Variants in PHLDB2 observed in about 807,000 individuals in gnomAD.
The protein encoded by PHLDB2 is pleckstrin homology-like domain family B member 2.
PHLDB2 carries 71 observed loss-of-function variants against 123.6 expected under a neutral mutation model. The ratio of observed to expected loss-of-function variants is 0.57; its 90% CI spans 0.47 to 0.70. PHLDB2 has a LOEUF of 0.70. Among genes scored for constraint, PHLDB2 ranks in the 30% least tolerant of loss-of-function variants. The pLI, the probability that PHLDB2 is intolerant of heterozygous loss-of-function variation, is 0.00. For synonymous variants in PHLDB2, 547 were observed against 541.6 expected (o/e 1.01, Z -0.14); for missense variants, 1,446 against 1,519.5 (o/e 0.95, Z 0.80).
chr3:111,938,670 A>G (rs62277601), intron 6 of PHLDB2, among the ~76,000 whole-genome samples: 46,049 of 152,034 alleles, frequency 0.3, 7,476 homozygotes, highest in Middle Eastern at 0.41. Context: ...CATCTGGGAT[A>G]CATGTATCCC....
chr3:111,926,472 C>T (rs2068818576), intron 5 of PHLDB2, among the ~76,000 whole-genome samples: 1 of 152,142 alleles, frequency 6.6e-6, no homozygotes, highest in Non-Finnish European at 1.5e-5. Flanking sequence ...GCTCCCTGGT[C>T]AGAGGAAGTG....
chr3:111,921,312 ACATGTTCT>A (rs1390589099), intron 5 of PHLDB2, among the ~76,000 whole-genome samples: 1 of 152,208 alleles, frequency 6.6e-6, no homozygotes, highest in African/African-American at 2.4e-5. Context: ...TCCTTACTCA[ACATGTTCT>A]CCACTAAGCT....
At chr3:111,971,706 G>T (rs575480198) in intron 16 of PHLDB2, among the ~76,000 whole-genome samples, 1 of 152,026 alleles carries the variant, frequency 6.6e-6, no homozygotes, top group South Asian at 2.1e-4. Context: ...CATCCAGATC[G>T]CAATTTACGC....
At chr3:111,822,247 A>G in intron 1 of PHLDB2, among the ~76,000 whole-genome samples, 1 of 140,922 alleles carries the variant, frequency 7.1e-6, no homozygotes, top group East Asian at 2.2e-4. Context: ...CATACTTTGC[A>G]TCAGAAAAAA....
intron 1 of PHLDB2, among the ~76,000 whole-genome samples, chr3:111,756,307 C>A (rs13091342): frequency 0.5 from 75,290 of 151,076 alleles, 19,322 homozygotes; most frequent in African/African-American, 0.62. Context: ...TTGTAGGTCA[C>A]TCAGGACTTG....
intron 1 of PHLDB2, among the ~76,000 whole-genome samples, chr3:111,794,465 A>T (rs996845329): frequency 4.6e-5 from 7 of 152,004 alleles, no homozygotes; most frequent in Non-Finnish European, 1.0e-4. Flanking sequence ...TACTGTGATC[A>T]CTCACCTGAT....
chr3:111,930,975 G>A (rs2069114317), intron 5 of PHLDB2, among the ~76,000 whole-genome samples: 1 of 152,200 alleles, frequency 6.6e-6, no homozygotes, highest in African/African-American at 2.4e-5. Flanking sequence ...TTGATATCAT[G>A]TAGTTTTAGA....
chr3:111,769,905 G>A (rs1174748279), intron 1 of PHLDB2, among the ~76,000 whole-genome samples: 1 of 152,208 alleles, frequency 6.6e-6, no homozygotes, highest in Non-Finnish European at 1.5e-5. Context: ...TCTGTGTAGT[G>A]ATTTCCATAA....
intron 10 of PHLDB2, chr3:111,949,972 C>A: frequency 1.1e-6 from 1 of 922,472 alleles, no homozygotes; most frequent in Non-Finnish European, 1.3e-6. Context: ...CTTCTACTTT[C>A]CCAAAGGCAT....
chr3:111,952,422 C>G, intron 10 of PHLDB2, 150 bp from the exon 11 acceptor site: 1 of 752,268 alleles, frequency 1.3e-6, no homozygotes, highest in South Asian at 2.1e-5. Flanking sequence ...TAGCTCAAAT[C>G]TATCAGTGAA....
chr3:111,834,220 ATATATATAT>A (rs1449396719), intron 1 of PHLDB2, among the ~76,000 whole-genome samples: 2 of 22,914 alleles, frequency 8.7e-5, no homozygotes, highest in Admixed American at 5.4e-4. Context: ...TAATAGAATT[ATATATATAT>A]TATGTATATA....
chr3:111,827,872 T>C (rs1218051329), intron 1 of PHLDB2, among the ~76,000 whole-genome samples: 1 of 152,058 alleles, frequency 6.6e-6, no homozygotes, highest in Non-Finnish European at 1.5e-5. Context: ...AAGGGCTCAG[T>C]ACATATTTCC....
At position 111,845,985 on chromosome 3, in the gene PHLDB2, C is replaced by T. The variant is rs758803127; in HGVS notation, c.67+50C>T. 1.9e-6 allele frequency: 3 copies of T among 1,556,708 alleles called. No homozygotes were observed. The South Asian group carries it at 3.4e-5, about 18-fold the overall frequency. ...TTCAGTACATATTTACAAGTTCTTA[C>T]TCCATCATACATATTGGGAATGAGC... On this transcript the variant is annotated intron_variant, in intron 2 of 17. Transcript: ENST00000393923.
At chr3:111,817,174 G>A (rs959947031) in intron 1 of PHLDB2, among the ~76,000 whole-genome samples, 10 of 152,100 alleles carry the variant, frequency 6.6e-5, no homozygotes, top group African/African-American at 1.2e-4. Context: ...TAATACAAGC[G>A]ATTACCAGAA....
intron 2 of PHLDB2, among the ~76,000 whole-genome samples, chr3:111,903,881 A>C (rs571811788): frequency 2.0e-5 from 3 of 152,232 alleles, no homozygotes; most frequent in Admixed American, 2.0e-4. Flanking sequence ...GAAAGGTTGA[A>C]CTTGATTAAA....
Position 111,929,910 on chromosome 3 carries a change from A to ATT in PHLDB2, c.2002-2341_2002-2340dup, listed in dbSNP as rs34482002. On this transcript the variant is annotated intron_variant, in intron 5 of 17. Transcript: ENST00000431670. ...AAGTAAGGCACTATTTAAATATAAG[A>ATT]TTTTTTTTTTTTTTTTTTTGAGGCA... 1.1e-4 allele frequency among the ~76,000 whole-genome samples: 13 copies of ATT among 123,064 alleles called. 1 individual carries two copies. Among genetic ancestry groups the ATT allele is most frequent in the African/African-American group, 3.4e-4 (12 of 34,838 alleles). The allele number at this position is 123,064 out of a possible 152,430, so 80.7% of individuals were successfully genotyped here.
chr3:111,765,901 CACAT>C (rs368557089), intron 1 of PHLDB2, among the ~76,000 whole-genome samples: 11,893 of 122,986 alleles, frequency 0.097, 543 homozygotes, highest in African/African-American at 0.11. Context: ...CACACACACA[CACAT>C]ACACATACAC....
At chr3:111,825,086 G>A (rs991322565) in intron 1 of PHLDB2, among the ~76,000 whole-genome samples, 1 of 152,174 alleles carries the variant, frequency 6.6e-6, no homozygotes, top group Non-Finnish European at 1.5e-5. Context: ...CTTTTAGCAT[G>A]CTCACCATTT....
chr3:111,852,161 C>T (rs2064282384), intron 2 of PHLDB2, among the ~76,000 whole-genome samples: 1 of 151,734 alleles, frequency 6.6e-6, no homozygotes, highest in African/African-American at 2.4e-5. Flanking sequence ...TGAATCCTGG[C>T]CCCTGCTCTC....
Sources: allele counts gnomAD v4.1 joint callset (sites outside exome capture counted in the v4.1 genomes callset), GRCh38; gene constraint gnomAD v4.1.1; transcripts MANE v1.5; gene names NCBI Gene and HGNC (gene_info 2026-07-23, HGNC 2026-07-21).